The following ZNF567 variants were observed in gnomAD, a reference collection of about 807,000 sequenced individuals.
The protein encoded by ZNF567 is zinc finger protein 567.
ZNF567 carries 36 observed loss-of-function variants against 53.9 expected under a neutral mutation model. The ratio of observed to expected loss-of-function variants is 0.67; its 90% CI spans 0.51 to 0.88. The LOEUF (loss-of-function observed/expected upper bound fraction) is 0.88. Among genes scored for constraint, ZNF567 ranks in the 40% least tolerant of loss-of-function variants. ZNF567 has a pLI of 0.00. For synonymous variants in ZNF567, 224 were observed against 260.4 expected (o/e 0.86, Z 1.35); for missense variants, 619 against 764.7 (o/e 0.81, Z 2.25).
At chr19:36,692,239 C>T (rs577534350) in intron 2 of ZNF567, among the ~76,000 whole-genome samples, 3 of 152,164 alleles carry the variant, frequency 2.0e-5, no homozygotes, top group South Asian at 2.1e-4. Context: ...AATAGTTTTG[C>T]CTCTTGATTG....
At chr19:36,700,586 T>G (rs1294885271) in intron 3 of ZNF567, among the ~76,000 whole-genome samples, 1 of 151,980 alleles carries the variant, frequency 6.6e-6, no homozygotes, top group Non-Finnish European at 1.5e-5. Flanking sequence ...TATTGATTAT[T>G]GCCACAATTT....
chr19:36,674,025 A>G, the ZNF567 span, among the ~76,000 whole-genome samples: 3 of 152,214 alleles, frequency 2.0e-5, no homozygotes, highest in East Asian at 5.8e-4. Flanking sequence ...AGTGCCAACT[A>G]ATTTGGAATG....
chr19:36,672,685 G>T, the ZNF567 span, among the ~76,000 whole-genome samples: 1 of 152,186 alleles, frequency 6.6e-6, no homozygotes, highest in African/African-American at 2.4e-5. Flanking sequence ...TGATACATTG[G>T]ATTGCTTCCA....
At position 36,719,589 on chromosome 19, in the gene ZNF567, G is replaced by A. The variant is rs373607807; in HGVS notation, c.865G>A (p.Ala289Thr). The change falls in exon 6 of 6, where the codon GCA (alanine) becomes ACA (threonine). Residue 289 changes from alanine (A) to threonine (T), a missense_variant. Physicochemically the swap from Ala to Thr is moderately conservative, Grantham distance 58. Transcript: ENST00000682579. ...KPYQCHQCGNAFRRKSYLIDH... is the reference protein window; with the variant it reads ...KPYQCHQCGNTFRRKSYLIDH... ...CTATCAATGTCATCAATGTGGAAAT[G>A]CATTTAGAAGGAAATCATATCTCAT... The A allele has an allele frequency of 1.2e-6, 2 of 1,614,018 alleles. No individual in the cohort carries two copies. Among genetic ancestry groups the A allele is most frequent in the African/African-American group, 1.3e-5 (1 of 74,922 alleles).
Position 36,719,321 on chromosome 19 carries a change from G to C in ZNF567, c.597G>C (p.Gln199His), listed in dbSNP as rs187761761. The C allele has an allele frequency of 7.1e-4, 1,142 of 1,612,738 alleles. 4 individuals are homozygous for C. The highest frequency in any genetic ancestry group is 3.8e-3 in the Middle Eastern group (23 of 6,052). Residue 199 changes from glutamine (Q) to histidine (H), a missense_variant, in exon 6 of 6, where the codon CAG (glutamine) becomes CAC (histidine). By Grantham distance (24) the Gln-to-His change is conservative. Transcript: ENST00000682579. Reference protein sequence around the residue: ...RAFSHNEVLMQYQKTETPAQS... With the variant: ...RAFSHNEVLMHYQKTETPAQS... ...TCAGTCATAATGAAGTTCTTATGCA[G>C]TATCAGAAAACGGAAACTCCAGCAC...
chr19:36,719,847 C>G lies in ZNF567; in HGVS notation c.1123C>G (p.Arg375Gly), dbSNP rs201557353. Residue 375 changes from arginine to glycine, a missense_variant, in exon 6 of 6, where the codon CGC becomes GGC. Coordinates refer to ENST00000682579, the MANE Select transcript of ZNF567 (RefSeq NM_001322917.1). ...YECNDCGKSF[R>G]QKTTLSLHQR... ...GTGTAATGACTGTGGGAAGTCCTTC[C>G]GCCAGAAGACAACACTCTCTCTACA... 6.2e-7 allele frequency: 1 copy of G among 1,612,858 alleles called. No individual in the cohort carries two copies. The highest frequency in any genetic ancestry group is 1.3e-5 in the African/African-American group (1 of 74,492).
upstream of ZNF567, chr19:36,686,316 A>T (rs1036306957): frequency 2.6e-5 from 4 of 152,156 alleles, no homozygotes; most frequent in Non-Finnish European, 4.4e-5. Flanking sequence ...AAGGCAAGGG[A>T]GAAGGGGTAA....
At chr19:36,690,786 TG>T (rs2038562839) in intron 2 of ZNF567, among the ~76,000 whole-genome samples, 1 of 152,206 alleles carries the variant, frequency 6.6e-6, no homozygotes, top group Non-Finnish European at 1.5e-5. Context: ...ATACTTTAGA[TG>T]GATGAATTTT....
At chr19:36,724,550 C>T (rs528832482), downstream of ZNF567, among the ~76,000 whole-genome samples, 2 of 151,744 alleles carry the variant, frequency 1.3e-5, no homozygotes, top group East Asian at 2.0e-4. Context: ...GGCATGGTGG[C>T]GTGTGCCTGT....
chr19:36,672,806 T>C, the ZNF567 span, among the ~76,000 whole-genome samples: 1 of 152,164 alleles, frequency 6.6e-6, no homozygotes. Flanking sequence ...CCTTAACGAA[T>C]GAAGGTTTGG....
the ZNF567 span, among the ~76,000 whole-genome samples, chr19:36,671,957 C>A: frequency 3.3e-5 from 5 of 152,222 alleles, no homozygotes; most frequent in African/African-American, 1.2e-4. Context: ...CCCATCGTCC[C>A]CCCTCTTGCT....
At chr19:36,690,764 C>T (rs1364254348) in intron 2 of ZNF567, among the ~76,000 whole-genome samples, 1 of 152,122 alleles carries the variant, frequency 6.6e-6, no homozygotes, top group Non-Finnish European at 1.5e-5. Flanking sequence ...ATACCAACAA[C>T]CATTGAATCG....
At chr19:36,687,412 C>T (rs1306117554), upstream of ZNF567, 1 of 152,690 alleles carries the variant, frequency 6.5e-6, no homozygotes, top group Admixed American at 6.5e-5. Flanking sequence ...GTGAGCGCCG[C>T]CCTCATCCCA....
intron 1 of ZNF567, among the ~76,000 whole-genome samples, chr19:36,688,603 C>A (rs1029739921): frequency 6.7e-6 from 1 of 148,226 alleles, no homozygotes; most frequent in African/African-American, 2.5e-5. Context: ...GTCAGGAGAT[C>A]GAGAACATCC....
chr19:36,721,341 A>C (rs1211060985), downstream of ZNF567: 1 of 151,972 alleles, frequency 6.6e-6, no homozygotes, highest in Non-Finnish European at 1.5e-5. Context: ...TGTTTATATC[A>C]TGTGTGTGTT....
chr19:36,689,282 T>TA (rs1476996773), intron 1 of ZNF567, 115 bp from the exon 2 acceptor site: 22 of 151,324 alleles, frequency 1.5e-4, no homozygotes, highest in Admixed American at 2.6e-4. Context: ...TGTATTTATT[T>TA]TTTTTTTTGC....
At chr19:36,680,792 T>C in the ZNF567 span, among the ~76,000 whole-genome samples, 1 of 152,178 alleles carries the variant, frequency 6.6e-6, no homozygotes, top group African/African-American at 2.4e-5. Context: ...CCTGGCCCCA[T>C]CACTGAGATT....
chr19:36,677,316 C>A, the ZNF567 span, among the ~76,000 whole-genome samples: 3 of 144,930 alleles, frequency 2.1e-5, no homozygotes, highest in Non-Finnish European at 3.0e-5. Context: ...AAAATTAGCC[C>A]AGTGTTGAGG....
chr19:36,724,746 G>A (rs1204453987), downstream of ZNF567, among the ~76,000 whole-genome samples: 2 of 151,534 alleles, frequency 1.3e-5, no homozygotes, highest in African/African-American at 4.9e-5. Context: ...TACTTGGGAG[G>A]CTGAGGCAGG....
Sources: allele counts gnomAD v4.1 joint callset (sites outside exome capture counted in the v4.1 genomes callset), GRCh38; gene constraint gnomAD v4.1.1; transcripts MANE v1.5; gene names NCBI Gene and HGNC (gene_info 2026-07-23, HGNC 2026-07-21).